ARMC2: variants seen among roughly 807,000 people sequenced by gnomAD.
ARMC2 encodes armadillo repeat-containing protein 2.
A neutral mutation model predicts 90.3 loss-of-function variants in ARMC2; 67 were observed. The ratio of observed to expected loss-of-function variants is 0.74; its 90% confidence interval spans 0.61 to 0.91. The LOEUF (loss-of-function observed/expected upper bound fraction) is 0.91, where lower values mean the gene tolerates loss of function less well. Among genes scored for constraint, ARMC2 ranks in the 40% least tolerant of loss-of-function variants. ARMC2 has a pLI of 0.00. For synonymous variants in ARMC2, 393 were observed against 393.0 expected (o/e 1.00, Z 0.00); for missense variants, 920 against 1,030.9 (o/e 0.89, Z 1.47).
intron 5 of ARMC2, among the ~76,000 whole-genome samples, chr6:108,888,637 C>A (rs1244089411): frequency 5.9e-5 from 9 of 152,174 alleles, no homozygotes; most frequent in Non-Finnish European, 1.3e-4. Flanking sequence ...GAGTGATTTT[C>A]TTTTCTTGAT....
In ARMC2 at chr6:108,938,121, T is replaced by C. The variant is rs544358961; in HGVS notation, c.1596+1122T>C. Among the ~76,000 whole-genome samples the C allele has an allele frequency of 1.8e-4, 27 of 152,326 alleles. No individual in the cohort carries two copies. The South Asian group carries it at 5.0e-3, about 28-fold the overall frequency. Reference sequence around the variant, plus strand: ...TGAGATATTTTGTCCATGAATACAATGAGTATTCATTTTAAATGTGGTAAA... The same window carrying C: ...TGAGATATTTTGTCCATGAATACAACGAGTATTCATTTTAAATGTGGTAAA... On this transcript the variant is annotated intron_variant, in intron 12 of 17. Coordinates refer to ENST00000392644, the MANE Select transcript of ARMC2 (RefSeq NM_032131.6).
intron 7 of ARMC2, 72 bp from the exon 8 acceptor site, chr6:108,904,158 T>G (rs907746964): frequency 6.6e-7 from 1 of 1,511,972 alleles, no homozygotes; most frequent in Non-Finnish European, 9.0e-7. Flanking sequence ...TTACTTACAC[T>G]GTCTGTGTTT....
At chr6:109,020,124 A>G in the ARMC2 span, among the ~76,000 whole-genome samples, 1 of 152,356 alleles carries the variant, frequency 6.6e-6, no homozygotes, top group Middle Eastern at 3.4e-3. Context: ...CCAATCACAA[A>G]GCAGACAAAC....
the ARMC2 span, among the ~76,000 whole-genome samples, chr6:109,025,634 C>A: frequency 1.8e-3 from 264 of 150,666 alleles, 2 homozygotes; most frequent in African/African-American, 6.2e-3. Flanking sequence ...AGGAAACTAT[C>A]AAAAAATAAC....
chr6:109,023,360 A>G, the ARMC2 span, among the ~76,000 whole-genome samples: 1 of 152,244 alleles, frequency 6.6e-6, no homozygotes, highest in African/African-American at 2.4e-5. Flanking sequence ...AAAAGTTTGT[A>G]AATGTTATCA....
At chr6:109,048,411 T>G in the ARMC2 span, among the ~76,000 whole-genome samples, 1 of 152,240 alleles carries the variant, frequency 6.6e-6, no homozygotes, top group Admixed American at 6.5e-5. Context: ...AGTGAAAGTA[T>G]TTTTAAAGGA....
At chr6:109,019,082 A>G in the ARMC2 span, among the ~76,000 whole-genome samples, 132 of 149,864 alleles carry the variant, frequency 8.8e-4, no homozygotes, top group Non-Finnish European at 1.7e-3. Flanking sequence ...TTGAACTTAA[A>G]TAATTCATTG....
chr6:108,983,987 T>C, the ARMC2 span, among the ~76,000 whole-genome samples: 2 of 152,228 alleles, frequency 1.3e-5, no homozygotes, highest in African/African-American at 4.8e-5. Context: ...AAGCAAGCAT[T>C]ACTGCCTGAG....
intron 5 of ARMC2, among the ~76,000 whole-genome samples, chr6:108,883,961 A>AT (rs970642782): frequency 6.6e-6 from 1 of 151,994 alleles, no homozygotes; most frequent in Non-Finnish European, 1.5e-5. Flanking sequence ...ATCCTGGATA[A>AT]TTTTTTTAAA....
the ARMC2 span, among the ~76,000 whole-genome samples, chr6:109,017,355 G>C: frequency 6.6e-6 from 1 of 152,058 alleles, no homozygotes; most frequent in African/African-American, 2.4e-5. Context: ...GTGCAATCTT[G>C]GCTCACTGCA....
the ARMC2 span, among the ~76,000 whole-genome samples, chr6:108,994,910 A>G: frequency 6.6e-6 from 1 of 152,004 alleles, no homozygotes; most frequent in East Asian, 1.9e-4. Context: ...TCACCGTGTT[A>G]GCCAGGAATG....
chr6:108,868,905 A>AT lies in ARMC2; in HGVS notation c.375dup (p.Arg126Ter). ...TAAGCCCCCAGTGGACCCTGCGAAG[A>AT]TTAGAAGAGTAAGCAACGCCAGGGC... is the stretch of plus-strand genomic sequence containing the variant. On this transcript the variant is annotated frameshift_variant, in exon 4 of 18. Coordinates refer to ENST00000392644, the MANE Select transcript of ARMC2 (RefSeq NM_032131.6). LOFTEE classifies it high-confidence loss of function. The AT allele has an allele frequency of 6.2e-7, 1 of 1,613,984 alleles. No homozygotes were observed. The highest frequency in any genetic ancestry group is 8.5e-7 in the Non-Finnish European group (1 of 1,179,898).
intron 3 of ARMC2, among the ~76,000 whole-genome samples, chr6:108,865,269 C>T (rs1213094028): frequency 1.3e-5 from 2 of 152,170 alleles, no homozygotes; most frequent in Non-Finnish European, 2.9e-5. Context: ...AGGCATGAGC[C>T]ACCGCACCTA....
chr6:108,870,162 G>T (rs1033513738), intron 4 of ARMC2, among the ~76,000 whole-genome samples: 1 of 152,118 alleles, frequency 6.6e-6, no homozygotes, highest in African/African-American at 2.4e-5. Context: ...GAATTGGGGA[G>T]AGCCTGGAAG....
chr6:108,907,950 T>C, intron 8 of ARMC2: 1 of 1,226,710 alleles, frequency 8.2e-7, no homozygotes, highest in Non-Finnish European at 1.1e-6. Context: ...ACAATATTAT[T>C]TTAAATACCT....
intron 3 of ARMC2, among the ~76,000 whole-genome samples, chr6:108,859,875 A>G (rs894360848): frequency 7.9e-5 from 12 of 152,180 alleles, no homozygotes; most frequent in Middle Eastern, 3.4e-3. Flanking sequence ...ATGGTGGTGC[A>G]TGTTTGCAAT....
chr6:109,015,010 C>T, the ARMC2 span, among the ~76,000 whole-genome samples: 1 of 152,090 alleles, frequency 6.6e-6, no homozygotes, highest in African/African-American at 2.4e-5. Context: ...TCCTAGTGCC[C>T]TGCACACAGG....
chr6:108,863,843 A>C (rs1020322024), intron 3 of ARMC2, among the ~76,000 whole-genome samples: 1 of 152,224 alleles, frequency 6.6e-6, no homozygotes, highest in Admixed American at 6.5e-5. Flanking sequence ...ACATCATCAA[A>C]TTGATCATTT....
At position 108,912,556 on chromosome 6, in the gene ARMC2, C is replaced by T. The variant is rs1773546033; in HGVS notation, c.1348C>T (p.Gln450Ter). Residue 450 changes from glutamine (Q) to a stop codon, truncating the protein, a stop_gained and splice_region_variant, in exon 10 of 18, where the codon CAG (glutamine) becomes TAG (stop). Coordinates refer to ENST00000392644, the MANE Select transcript of ARMC2 (RefSeq NM_032131.6). LOFTEE classifies it high-confidence loss of function. ...GCCTAATTCGGGCCACTTGCTAGTCCAGGTAAGTATTTTACTTGAAAACGT... is the reference window on the plus strand; with the variant it reads ...GCCTAATTCGGGCCACTTGCTAGTCTAGGTAAGTATTTTACTTGAAAACGT... ...FLPNSGHLLV[Q>*]VTATLRNLVD... 11 of 1,607,908 alleles carry T rather than the reference C, an allele frequency of 6.8e-6. No individual in the cohort carries two copies. The highest frequency in any genetic ancestry group is 9.4e-6 in the Non-Finnish European group (11 of 1,175,544).
Sources: gnomAD v4.1 joint callset for allele counts (sites outside exome capture counted in the v4.1 genomes callset) on GRCh38, gnomAD v4.1.1 for gene constraint, MANE v1.5 for transcripts, NCBI Gene and HGNC (gene_info 2026-07-23, HGNC 2026-07-21) for gene names.